Variants in SFMBT1 observed in about 807,000 individuals in gnomAD.
The protein encoded by SFMBT1 is scm-like with four MBT domains protein 1.
A neutral mutation model predicts 108.7 loss-of-function variants in SFMBT1; 32 were observed. The observed-to-expected ratio is 0.29, with a 90% CI of 0.22 to 0.40. SFMBT1 has a LOEUF of 0.40. Among genes scored for constraint, SFMBT1 ranks in the 10% least tolerant of loss-of-function variants. The pLI is 1.00. For synonymous variants in SFMBT1, 348 were observed against 369.5 expected (o/e 0.94, Z 0.67); for missense variants, 816 against 1,059.6 (o/e 0.77, Z 3.19).
rs770919417 is a variant in SFMBT1, at chr3:52,945,756, G to A, written c.124-2163C>T. 4.0e-5 allele frequency among the ~76,000 whole-genome samples: 6 copies of A among 149,946 alleles called. No individual in the cohort carries two copies. In the East Asian group the frequency reaches 1.2e-3, roughly 29 times the overall value. ...CGGGAGGCGGAGCTTGCAGTGAGCC[G>A]AGATCGCACCACGGCAGGCAATCCA... On this transcript the variant is annotated intron_variant, in intron 3 of 20. Coordinates refer to ENST00000394752, the MANE Select transcript of SFMBT1 (RefSeq NM_016329.4).
Position 52,943,424 on chromosome 3 carries a change from T to C in SFMBT1, c.293A>G (p.Asp98Gly). Residue 98 changes from aspartate to glycine, a missense_variant, in exon 4 of 21, where the codon GAC becomes GGC. By Grantham distance (94) the Asp-to-Gly change is moderately conservative (BLOSUM62 -1). This residue lies in a region of SFMBT1 where 495 missense variants were observed against 607.4 expected (regional missense o/e 0.81). Coordinates refer to ENST00000394752, the MANE Select transcript of SFMBT1 (RefSeq NM_016329.4). ...GGGGTAGAGATCAGCCTTCCTGATGTCACACCAGAAATCTGCTCTCCGATC... is the reference window on the plus strand; with the variant it reads ...GGGGTAGAGATCAGCCTTCCTGATGCCACACCAGAAATCTGCTCTCCGATC... ...GEDRRADFWC[D>G]IRKADLYPIG... 6.2e-7 allele frequency: 1 copy of C among 1,614,222 alleles called. No individual in the cohort carries two copies. The highest frequency in any genetic ancestry group is 8.5e-7 in the Non-Finnish European group (1 of 1,180,038).
intron 3 of SFMBT1, among the ~76,000 whole-genome samples, chr3:52,949,406 G>A (rs1414591580): frequency 2.6e-5 from 4 of 152,114 alleles, no homozygotes; most frequent in East Asian, 1.9e-4. Context: ...ATAGGAGGGC[G>A]TTGAATTTCC....
chr3:53,008,494 A>G (rs1173264599), intron 1 of SFMBT1, among the ~76,000 whole-genome samples: 17 of 152,312 alleles, frequency 1.1e-4, no homozygotes, highest in Non-Finnish European at 4.4e-5. Flanking sequence ...AAAGTACTAA[A>G]TAAGTCTTCC....
At chr3:52,993,825 G>T (rs1479328735) in intron 1 of SFMBT1, among the ~76,000 whole-genome samples, 1 of 150,172 alleles carries the variant, frequency 6.7e-6, no homozygotes, top group Non-Finnish European at 1.5e-5. Context: ...GGAAAGAACA[G>T]AAAATCCTTT....
chr3:52,998,297 C>T (rs532150252), intron 1 of SFMBT1, among the ~76,000 whole-genome samples: 2 of 150,090 alleles, frequency 1.3e-5, no homozygotes, highest in South Asian at 4.2e-4. Context: ...GAGGCTGAGG[C>T]AGGAGAATGG....
intron 14 of SFMBT1, among the ~76,000 whole-genome samples, chr3:52,915,696 A>G (rs1702328127): frequency 6.6e-6 from 1 of 152,240 alleles, no homozygotes; most frequent in Non-Finnish European, 1.5e-5. Flanking sequence ...ATCAGGCATT[A>G]ATTGCCTCTG....
At chr3:52,979,474 A>T (rs1272886217) in intron 1 of SFMBT1, among the ~76,000 whole-genome samples, 4 of 152,196 alleles carry the variant, frequency 2.6e-5, no homozygotes, top group Admixed American at 2.0e-4. Context: ...AGTCTTCACA[A>T]ATCATTCACT....
At chr3:52,912,164 C>T (rs1021520026) in intron 16 of SFMBT1, among the ~76,000 whole-genome samples, 4 of 151,992 alleles carry the variant, frequency 2.6e-5, no homozygotes, top group Non-Finnish European at 5.9e-5. Flanking sequence ...ATCCACAGAA[C>T]TGATTCTGTG....
At chr3:52,906,824 T>TTTG (rs1301635922) in intron 19 of SFMBT1, among the ~76,000 whole-genome samples, 2 of 152,176 alleles carry the variant, frequency 1.3e-5, no homozygotes, top group Non-Finnish European at 1.5e-5. Context: ...TGGGGCTTTT[T>TTTG]TTGTTGTTGT....
At chr3:53,043,967 G>A (rs73839695) in intron 1 of SFMBT1, among the ~76,000 whole-genome samples, 2,061 of 152,260 alleles carry the variant, frequency 0.014, 51 homozygotes, top group African/African-American at 0.047. Context: ...TGTGTTTACT[G>A]AATGGAAAGG....
At chr3:52,953,446 C>CA (rs34095086) in intron 3 of SFMBT1, among the ~76,000 whole-genome samples, 97,017 of 148,400 alleles carry the variant, frequency 0.65, 32,460 homozygotes, top group Middle Eastern at 0.75. Context: ...CCCCCCTCAC[C>CA]AAAAAAAAAA....
At chr3:52,968,981 A>G in intron 2 of SFMBT1, 120 bp downstream of exon 2, 1 of 1,209,376 alleles carries the variant, frequency 8.3e-7, no homozygotes, top group Non-Finnish European at 1.2e-6. Context: ...GATGGCAATG[A>G]AAAACAACTT....
chr3:53,043,831 G>A (rs1700129307), intron 1 of SFMBT1, among the ~76,000 whole-genome samples: 1 of 152,186 alleles, frequency 6.6e-6, no homozygotes, highest in Non-Finnish European at 1.5e-5. Context: ...ATAACTCCAA[G>A]TTTACATACA....
intron 1 of SFMBT1, among the ~76,000 whole-genome samples, chr3:53,000,933 T>G (rs1386445690): frequency 6.7e-6 from 1 of 150,088 alleles, no homozygotes; most frequent in Non-Finnish European, 1.5e-5. Flanking sequence ...AAAAAATATA[T>G]GAAAAGAAGA....
At chr3:53,001,788 T>C (rs1698557581) in intron 1 of SFMBT1, among the ~76,000 whole-genome samples, 1 of 147,290 alleles carries the variant, frequency 6.8e-6, no homozygotes, top group Non-Finnish European at 1.5e-5. Flanking sequence ...TTGCCAGGCA[T>C]GGTGGCTCAT....
chr3:52,907,842 T>G (rs1013259455), intron 17 of SFMBT1, 109 bp from the exon 18 acceptor site: 2 of 1,033,606 alleles, frequency 1.9e-6, no homozygotes, highest in African/African-American at 3.2e-5. Context: ...TGTATTTGAT[T>G]GGGGTTTAAA....
intron 8 of SFMBT1, among the ~76,000 whole-genome samples, chr3:52,929,274 T>C (rs190266360): frequency 2.0e-4 from 31 of 151,896 alleles, no homozygotes; most frequent in African/African-American, 7.5e-4. Context: ...AGTTTCGCTC[T>C]TGTTGCCCAG....
At chr3:52,960,284 A>G (rs1278089598) in intron 2 of SFMBT1, among the ~76,000 whole-genome samples, 6 of 152,162 alleles carry the variant, frequency 3.9e-5, no homozygotes, top group Non-Finnish European at 5.9e-5. Context: ...ACTTCAACAA[A>G]GTTACCTTTG....
At chr3:53,030,891 T>C (rs1051242393) in intron 1 of SFMBT1, among the ~76,000 whole-genome samples, 2 of 152,166 alleles carry the variant, frequency 1.3e-5, no homozygotes, top group African/African-American at 2.4e-5. Context: ...CTAACAACTT[T>C]AGAATTACTG....
Sources: gnomAD v4.1 joint callset for allele counts (sites outside exome capture counted in the v4.1 genomes callset) on GRCh38, gnomAD v4.1.1 for gene constraint, gnomAD v4.1.1 regional missense constraint, MANE v1.5 for transcripts, NCBI Gene and HGNC (gene_info 2026-07-23, HGNC 2026-07-21) for gene names.